PCDHA8: variants seen among roughly 807,000 people sequenced by gnomAD.
PCDHA8 encodes protocadherin alpha-8.
PCDHA8 carries 53 observed loss-of-function variants against 61.8 expected under a neutral mutation model. The observed-to-expected ratio is 0.86, with a 90% CI of 0.69 to 1.08. The LOEUF is 1.08. Ranked by LOEUF, PCDHA8 falls within the 50% of genes least tolerant of loss-of-function variation. PCDHA8 has a pLI of 0.00. For synonymous variants in PCDHA8, 618 were observed against 556.6 expected (o/e 1.11, Z -1.55); for missense variants, 1,293 against 1,245.0 (o/e 1.04, Z -0.58).
intron 1 of PCDHA8, chr5:140,928,375 T>C: frequency 6.2e-7 from 1 of 1,614,184 alleles, no homozygotes. Context: ...GCCATCAGCC[T>C]CTAGCTTGCT....
At chr5:140,978,896 G>T in intron 1 of PCDHA8, 53 bp from the exon 2 acceptor site, 1 of 1,612,808 alleles carries the variant, frequency 6.2e-7, no homozygotes, top group South Asian at 1.1e-5. Context: ...CAGCATTCCT[G>T]GGAGAACATT....
At chr5:140,851,402 T>C (rs2042052947) in intron 1 of PCDHA8, 2 of 969,750 alleles carry the variant, frequency 2.1e-6, no homozygotes. Flanking sequence ...ATTATTTTAA[T>C]AAGAAAGAAA....
Position 141,010,819 on chromosome 5 carries a change from TG to T in PCDHA8, c.*883del, listed in dbSNP as rs2098418471. ...AAAACCCCGACACCTCACCTTTCGCTGTTTGTTGTTTCATAGATTTATTTAA... is the reference window on the plus strand; with the variant it reads ...AAAACCCCGACACCTCACCTTTCGCTTTTGTTGTTTCATAGATTTATTTAA... On this transcript the variant is annotated 3_prime_UTR_variant, in exon 4 of 4. Coordinates refer to ENST00000531613, the MANE Select transcript of PCDHA8 (RefSeq NM_018911.3). The T allele has an allele frequency of 6.5e-6, 1 of 153,784 alleles. No individual in the cohort carries two copies. The highest frequency in any genetic ancestry group is 2.1e-4 in the South Asian group (1 of 4,838). 9.5% of individuals were successfully genotyped at this position (153,784 alleles called of 1,614,324 possible).
chr5:140,956,599 G>A (rs782510228), intron 1 of PCDHA8, among the ~76,000 whole-genome samples: 4 of 152,186 alleles, frequency 2.6e-5, no homozygotes, highest in Non-Finnish European at 5.9e-5. Flanking sequence ...AGGGATATCA[G>A]CTGGAAGTTT....
At position 140,842,696 on chromosome 5, in the gene PCDHA8, G is replaced by C; in HGVS notation, c.1375G>C (p.Glu459Gln). ...CAATGCTCCGGCGTTCGCGCAGCCC[G>C]AGTACACGGTGTTCGTGAAGGAGAA... ...NDNAPAFAQP[E>Q]YTVFVKENNP... The change falls in exon 1 of 4, where the codon GAG becomes CAG. Residue 459 changes from glutamate (E) to glutamine (Q), a missense_variant. By Grantham distance (29) the Glu-to-Gln change is conservative. Coordinates refer to ENST00000531613, the MANE Select transcript of PCDHA8 (RefSeq NM_018911.3). The C allele has an allele frequency of 6.3e-7, 1 of 1,595,300 alleles. No homozygotes were observed. Among genetic ancestry groups the C allele is most frequent in the Non-Finnish European group, 8.6e-7 (1 of 1,165,510 alleles).
chr5:140,894,852 T>C (rs1366360589), intron 1 of PCDHA8, among the ~76,000 whole-genome samples: 2 of 152,200 alleles, frequency 1.3e-5, no homozygotes, highest in African/African-American at 2.4e-5. Flanking sequence ...CATTTTTATA[T>C]GAAAAGTGCT....
intron 1 of PCDHA8, among the ~76,000 whole-genome samples, chr5:140,944,481 T>C (rs1441639137): frequency 1.3e-5 from 2 of 152,106 alleles, no homozygotes; most frequent in Admixed American, 6.5e-5. Flanking sequence ...GGCACTGGAC[T>C]GAGGCTTCTT....
intron 1 of PCDHA8, chr5:140,857,942 A>G: frequency 6.3e-7 from 1 of 1,597,440 alleles, no homozygotes; most frequent in Non-Finnish European, 8.6e-7. Flanking sequence ...CGAGATCAGT[A>G]CGACGCGCGC....
chr5:140,883,238 G>C (rs782322627), intron 1 of PCDHA8: 1 of 1,613,886 alleles, frequency 6.2e-7, no homozygotes, highest in African/African-American at 1.3e-5. Context: ...GGAGGCAGTT[G>C]ACAAAGGAAA....
chr5:140,899,981 G>T (rs929559514), intron 1 of PCDHA8, among the ~76,000 whole-genome samples: 3 of 151,734 alleles, frequency 2.0e-5, no homozygotes, highest in African/African-American at 7.3e-5. Flanking sequence ...CTACTTTTTT[G>T]ATTTTTTTTG....
intron 1 of PCDHA8, chr5:140,850,397 G>A: frequency 1.3e-6 from 2 of 1,597,954 alleles, no homozygotes; most frequent in Non-Finnish European, 1.7e-6. Context: ...TCAGCACAAC[G>A]CGTGCCCTGG....
intron 1 of PCDHA8, chr5:140,864,727 A>T (rs1456631288): frequency 1.3e-5 from 2 of 152,180 alleles, no homozygotes; most frequent in African/African-American, 4.8e-5. Context: ...TTTTGGGAAG[A>T]TTTCTTTGAG....
chr5:140,977,442 T>C (rs746141638), intron 1 of PCDHA8, among the ~76,000 whole-genome samples: 1 of 152,186 alleles, frequency 6.6e-6, no homozygotes. Flanking sequence ...TAGTAGATAA[T>C]GGAAACTCCT....
chr5:140,993,694 T>C (rs1192686372), intron 3 of PCDHA8, among the ~76,000 whole-genome samples: 1 of 152,186 alleles, frequency 6.6e-6, no homozygotes, highest in African/African-American at 2.4e-5. Flanking sequence ...TCCCATAAGA[T>C]TGTAATACCA....
chr5:140,853,897 G>T lies in PCDHA8; in HGVS notation c.2394+10182G>T, dbSNP rs1222195078. Reference sequence around the variant, plus strand: ...AGTTTCTGTAATTTAAAAAGATGTGGTGGCCTGACACCTGCAATCCCAACA... The same window carrying T: ...AGTTTCTGTAATTTAAAAAGATGTGTTGGCCTGACACCTGCAATCCCAACA... On this transcript the variant is annotated intron_variant, in intron 1 of 3. Coordinates refer to ENST00000531613, the MANE Select transcript of PCDHA8 (RefSeq NM_018911.3). 24 of 967,496 alleles carry T rather than the reference G, an allele frequency of 2.5e-5. 1 individual carries two copies. In the African/African-American group the frequency reaches 4.3e-4, roughly 17 times the overall value. The allele number at this position is 967,496 out of a possible 1,614,324, so 59.9% of individuals were successfully genotyped here.
At chr5:140,848,832 C>A in intron 1 of PCDHA8, 1 of 1,590,228 alleles carries the variant, frequency 6.3e-7, no homozygotes. Flanking sequence ...CGTAGACAGG[C>A]CGCTGCAGGT....
chr5:140,925,082 A>AAAGG (rs138596875), intron 1 of PCDHA8, among the ~76,000 whole-genome samples: 24,812 of 147,244 alleles, frequency 0.17, 2,350 homozygotes, highest in African/African-American at 0.25. Context: ...GCTCATCTGG[A>AAAGG]AAGGAAGGAA....
At chr5:140,969,501 A>G (rs2096338220) in intron 1 of PCDHA8, 20 of 1,431,968 alleles carry the variant, frequency 1.4e-5, no homozygotes, top group Non-Finnish European at 1.9e-5. Context: ...CTCTCTAGAA[A>G]AATAGCACTA....
intron 1 of PCDHA8, among the ~76,000 whole-genome samples, chr5:140,946,909 C>G (rs1290458457): frequency 6.6e-6 from 1 of 151,234 alleles, no homozygotes; most frequent in Non-Finnish European, 1.5e-5. Flanking sequence ...AGAATAAGTT[C>G]TGGTGTTTTA....
Sources: allele counts gnomAD v4.1 joint callset (sites outside exome capture counted in the v4.1 genomes callset), GRCh38; gene constraint gnomAD v4.1.1; transcripts MANE v1.5; gene names NCBI Gene and HGNC (gene_info 2026-07-23, HGNC 2026-07-21).